Variants in ZNF519 observed in about 807,000 individuals in gnomAD.
The protein encoded by ZNF519 is similar to Zinc finger protein 85 (Zinc finger protein HPF4) (HTF1).
Under a neutral mutation model 7.4 loss-of-function variants are expected in ZNF519, and 7 were observed. The ratio of observed to expected loss-of-function variants is 0.94; its 90% CI spans 0.54 to 1.77. The LOEUF is 1.77. Among genes scored for constraint, ZNF519 ranks in the 40% most tolerant of loss-of-function variants. The pLI is 0.00. For missense variants in ZNF519, 586 were observed against 623.1 expected, an observed-to-expected ratio of 0.94 and a Z score of 0.63; for synonymous variants, 179 against 203.3, an observed-to-expected ratio of 0.88 and a Z score of 1.02.
chr18:14,105,792 A>G lies in ZNF519; in HGVS notation c.748T>C (p.Ser250Pro). The G allele has an allele frequency of 6.2e-7, 1 of 1,609,628 alleles. No individual in the cohort carries two copies. Among genetic ancestry groups the G allele is most frequent in the Non-Finnish European group, 8.5e-7 (1 of 1,178,906 alleles). The change falls in exon 3 of 3, where the codon TCA (serine) becomes CCA (proline). Residue 250 changes from serine (S) to proline (P), a missense_variant. Physicochemically the swap from Ser to Pro is moderately conservative, Grantham distance 74. Coordinates refer to ENST00000590202, the MANE Select transcript of ZNF519 (RefSeq NM_145287.4). Reference sequence around the variant, plus strand: ...ATTATCTTATGTCCCTTTAGATGTGATTGACTAAAGACTATTATACATTTT... The same window carrying G: ...ATTATCTTATGTCCCTTTAGATGTGGTTGACTAAAGACTATTATACATTTT... ...NKKCIIVFSQ[S>P]HLKGHKIINT...
chr18:14,108,471 C>T (rs2046204841), intron 2 of ZNF519, among the ~76,000 whole-genome samples: 1 of 152,116 alleles, frequency 6.6e-6, no homozygotes. Flanking sequence ...AGATGGCTAC[C>T]CACTTTCAGG....
At position 14,103,236 on chromosome 18, in the gene ZNF519, T is replaced by G. The variant is rs1038474442; in HGVS notation, c.*1681A>C. 2 of 152,102 alleles carry G rather than the reference T, an allele frequency of 1.3e-5. No homozygotes were observed. The highest frequency in any genetic ancestry group is 4.8e-5 in the African/African-American group (2 of 41,420). 9.4% of individuals were successfully genotyped at this position (152,102 alleles called of 1,614,324 possible). A position where few individuals can be genotyped will look rare whatever the true frequency, so the allele number is the denominator to read the frequency against. Reference sequence around the variant, plus strand: ...GATAGAATTCTCAAATTTATAGAATTTTCCACTCAAAATTAGAAGTACACA... The same window carrying G: ...GATAGAATTCTCAAATTTATAGAATGTTCCACTCAAAATTAGAAGTACACA... On this transcript the variant is annotated 3_prime_UTR_variant, in exon 3 of 3. Transcript: ENST00000590202.
chr18:14,107,292 A>G (rs1325016794), intron 2 of ZNF519, among the ~76,000 whole-genome samples: 1 of 152,196 alleles, frequency 6.6e-6, no homozygotes, highest in Non-Finnish European at 1.5e-5. Flanking sequence ...ACCCCTTTTC[A>G]GCCACTAGCT....
chr18:14,126,125 C>T (rs1218871842), intron 1 of ZNF519, among the ~76,000 whole-genome samples: 2 of 152,200 alleles, frequency 1.3e-5, no homozygotes, highest in South Asian at 4.1e-4. Flanking sequence ...CTCCTCTAGG[C>T]AGTTCTGTGA....
chr18:14,091,572 C>G (rs2046114468), intron 2 of ZNF519, among the ~76,000 whole-genome samples: 1 of 152,046 alleles, frequency 6.6e-6, no homozygotes, highest in South Asian at 2.1e-4. Flanking sequence ...CAGAAGTGCT[C>G]AGGTTGAAGA....
At chr18:14,095,189 C>T (rs1222520744), downstream of ZNF519, among the ~76,000 whole-genome samples, 2 of 152,074 alleles carry the variant, frequency 1.3e-5, no homozygotes, top group Non-Finnish European at 2.9e-5. Flanking sequence ...TAGAGCAAAA[C>T]CTAAAGGGGT....
At chr18:14,083,794 G>A (rs757622321) in intron 3 of ZNF519, among the ~76,000 whole-genome samples, 1 of 152,156 alleles carries the variant, frequency 6.6e-6, no homozygotes, top group African/African-American at 2.4e-5. Flanking sequence ...AGTAGAACAA[G>A]TTTCCCCTTA....
intron 3 of ZNF519, among the ~76,000 whole-genome samples, chr18:14,079,797 A>T (rs1358423778): frequency 6.6e-6 from 1 of 152,224 alleles, no homozygotes; most frequent in Non-Finnish European, 1.5e-5. Context: ...AAACTCTAAA[A>T]TTCCTAAAAG....
exon 5 of ZNF519, chr18:14,076,033 T>C (rs2046046488): frequency 6.6e-6 from 1 of 152,000 alleles, no homozygotes; most frequent in South Asian, 2.1e-4. Context: ...TTTTTACAGG[T>C]GAGGGGAACT....
At chr18:14,116,926 G>A (rs571295546) in intron 2 of ZNF519, among the ~76,000 whole-genome samples, 14 of 152,206 alleles carry the variant, frequency 9.2e-5, no homozygotes, top group Middle Eastern at 3.4e-3. Flanking sequence ...CAGGAGAATC[G>A]CTTGAACCCA....
intron 2 of ZNF519, chr18:14,123,218 TA>T (rs34503801): frequency 0.52 from 74,257 of 143,806 alleles, 19,342 homozygotes; most frequent in South Asian, 0.59. Flanking sequence ...CTTGTTTTAT[TA>T]AAAAAAAAAA....
Position 14,132,342 on chromosome 18 carries a change from G to C in ZNF519, c.-65C>G. 6.3e-7 allele frequency: 1 copy of C among 1,596,266 alleles called. No individual in the cohort carries two copies. Among genetic ancestry groups the C allele is most frequent in the South Asian group, 1.1e-5 (1 of 90,516 alleles). On this transcript the variant is annotated 5_prime_UTR_variant, in exon 1 of 3. Coordinates refer to ENST00000590202, the MANE Select transcript of ZNF519 (RefSeq NM_145287.4). ...TCATTCAATGCCAGCAGGTCACAGA[G>C]CGACGGAGTGAGTGGCAGAATCACC... is the stretch of plus-strand genomic sequence containing the variant.
At chr18:14,072,055 T>C (rs1001963432), downstream of ZNF519, 3 of 152,194 alleles carry the variant, frequency 2.0e-5, no homozygotes, top group African/African-American at 7.2e-5. Flanking sequence ...TAAGGAATCA[T>C]ATTTGTTCAT....
downstream of ZNF519, chr18:14,071,341 A>AGT (rs2046027363): frequency 6.6e-6 from 1 of 152,172 alleles, no homozygotes. Flanking sequence ...TGTTCAAACA[A>AGT]ATGGATCTAC....
At chr18:14,074,815 T>C (rs949328344), downstream of ZNF519, 1 of 152,372 alleles carries the variant, frequency 6.6e-6, no homozygotes, top group Non-Finnish European at 1.5e-5. Context: ...CTTTCCCTGT[T>C]ACCCAGTTCC....
In ZNF519 at chr18:14,100,420, T is replaced by C. The variant is rs550649951; in HGVS notation, c.*4497A>G. On this transcript the variant is annotated 3_prime_UTR_variant, in exon 3 of 3. Transcript: ENST00000590202. ...CCACACACTGACTGAAAACAACAAA[T>C]ATGTTCTTGAAAGAGTGAAGGGTTA... 3 of 152,212 alleles carry C rather than the reference T, an allele frequency of 2.0e-5. No homozygotes were observed. The highest frequency in any genetic ancestry group is 4.1e-4 in the South Asian group (2 of 4,824). 9.4% of individuals were successfully genotyped at this position (152,212 alleles called of 1,614,324 possible).
intron 2 of ZNF519, among the ~76,000 whole-genome samples, chr18:14,111,169 TAAAA>T (rs34240654): frequency 1.3e-4 from 12 of 90,856 alleles, no homozygotes; most frequent in Non-Finnish European, 2.2e-4. Context: ...AGTTGTTTTC[TAAAA>T]AAAAAAAAAA....
At chr18:14,130,862 T>A (rs1598525647) in intron 1 of ZNF519, among the ~76,000 whole-genome samples, 1 of 144,876 alleles carries the variant, frequency 6.9e-6, no homozygotes, top group Non-Finnish European at 1.5e-5. Flanking sequence ...AAAAAAAAAA[T>A]CTTAAAAATC....
At chr18:14,085,680 C>A (rs932426728) in intron 2 of ZNF519, among the ~76,000 whole-genome samples, 1 of 152,196 alleles carries the variant, frequency 6.6e-6, no homozygotes, top group East Asian at 1.9e-4. Context: ...CACAGAAACA[C>A]AACCCACAGG....
Sources: gnomAD v4.1 joint callset for allele counts (sites outside exome capture counted in the v4.1 genomes callset) on GRCh38, gnomAD v4.1.1 for gene constraint, MANE v1.5 for transcripts, NCBI Gene and HGNC (gene_info 2026-07-23, HGNC 2026-07-21) for gene names.